The following MAMLD1 variants were observed in gnomAD, a reference collection of about 807,000 sequenced individuals.
MAMLD1 encodes the protein mastermind like domain containing 1.
A neutral mutation model predicts 45.0 loss-of-function variants in MAMLD1; 14 were observed. The observed-to-expected ratio is 0.31, with a 90% CI of 0.21 to 0.49. The LOEUF (loss-of-function observed/expected upper bound fraction) is 0.49. Among genes scored for constraint, MAMLD1 ranks in the 20% least tolerant of loss-of-function variants. MAMLD1 has a pLI of 0.99. For synonymous variants in MAMLD1, 254 were observed against 247.8 expected, an observed-to-expected ratio of 1.02 and a Z score of -0.24; for missense variants, 543 against 603.6, an observed-to-expected ratio of 0.90 and a Z score of 1.05.
intron 1 of MAMLD1, among the ~76,000 whole-genome samples, chrX:150,408,493 C>G (rs2034049709): frequency 1.8e-5 from 2 of 111,940 alleles, no homozygotes; most frequent in African/African-American, 6.5e-5. Flanking sequence ...CCTTTATCTG[C>G]AGAGTGAAAT....
chrX:150,427,178 T>C (rs2034736690), intron 1 of MAMLD1, among the ~76,000 whole-genome samples: 1 of 112,076 alleles, frequency 8.9e-6, no homozygotes, highest in Non-Finnish European at 1.9e-5. Flanking sequence ...TAAGACTTCA[T>C]CTTACCTCAT....
intron 5 of MAMLD1, among the ~76,000 whole-genome samples, chrX:150,489,482 A>G (rs2037104571): frequency 9.1e-6 from 1 of 109,586 alleles, no homozygotes; most frequent in East Asian, 2.9e-4. Flanking sequence ...TTGCCTCCTA[A>G]TGACATCATA....
chrX:150,395,392 C>G (rs782296044), intron 1 of MAMLD1, among the ~76,000 whole-genome samples: 38 of 111,495 alleles, frequency 3.4e-4, no homozygotes, highest in African/African-American at 1.2e-3. Flanking sequence ...CTGTAGTTTT[C>G]TTTCCTTGTA....
chrX:150,364,570 G>C (rs1342846574), intron 1 of MAMLD1, among the ~76,000 whole-genome samples: 2 of 112,199 alleles, frequency 1.8e-5, no homozygotes, highest in African/African-American at 6.5e-5. Flanking sequence ...GCTGGGGGAC[G>C]TGGGGAGAAG....
At chrX:150,475,376 T>C in intron 5 of MAMLD1, among the ~76,000 whole-genome samples, 1 of 111,793 alleles carries the variant, frequency 8.9e-6, no homozygotes, top group Non-Finnish European at 1.9e-5. Context: ...GTCTAGATCT[T>C]AGTTTTCTAA....
intron 7 of MAMLD1, among the ~76,000 whole-genome samples, chrX:150,511,610 C>T (rs782600863): frequency 1.8e-5 from 2 of 112,297 alleles, no homozygotes; most frequent in Non-Finnish European, 3.8e-5. Flanking sequence ...CCCCTTCCTT[C>T]CTTCTACAAA....
In MAMLD1 at chrX:150,375,334, A is replaced by G. The variant is rs782754355; in HGVS notation, c.-64+11804A>G. Among the ~76,000 whole-genome samples the G allele has an allele frequency of 1.3e-4, 14 of 111,989 alleles. No individual in the cohort carries two copies. The South Asian group carries it at 4.9e-3, about 39-fold the overall frequency. Reference sequence around the variant, plus strand: ...CTCCTAGAAACACAAGCCCATCATCATATTAACCTGGCCCTGATGAATGCT... The same window carrying G: ...CTCCTAGAAACACAAGCCCATCATCGTATTAACCTGGCCCTGATGAATGCT... On this transcript the variant is annotated intron_variant, in intron 1 of 7. Transcript: ENST00000370401.
chrX:150,413,917 C>T (rs1397974552), intron 1 of MAMLD1, among the ~76,000 whole-genome samples: 1 of 103,633 alleles, frequency 9.6e-6, no homozygotes, highest in African/African-American at 3.5e-5. Flanking sequence ...GCCTGGTCAT[C>T]GATGGCCAGG....
At chrX:150,445,167 T>C (rs985057357) in intron 1 of MAMLD1, among the ~76,000 whole-genome samples, 1 of 112,021 alleles carries the variant, frequency 8.9e-6, no homozygotes, top group African/African-American at 3.2e-5. Flanking sequence ...AGGCCCAGTG[T>C]TATTTTAGTC....
At chrX:150,501,675 T>G (rs1163301578) in intron 5 of MAMLD1, among the ~76,000 whole-genome samples, 1 of 112,794 alleles carries the variant, frequency 8.9e-6, no homozygotes, top group Non-Finnish European at 1.9e-5. Flanking sequence ...ACTGTTCAGG[T>G]AGTTAGGTTG....
chrX:150,415,896 A>G (rs2034237411), intron 1 of MAMLD1, among the ~76,000 whole-genome samples: 1 of 112,611 alleles, frequency 8.9e-6, no homozygotes, highest in Non-Finnish European at 1.9e-5. Context: ...TGGAGAAATC[A>G]GTTCAGAAGA....
chrX:150,401,049 G>T (rs1451783164), intron 1 of MAMLD1, among the ~76,000 whole-genome samples: 2 of 111,328 alleles, frequency 1.8e-5, no homozygotes, highest in Non-Finnish European at 3.8e-5. Context: ...GTTCCTCCTT[G>T]TACCTCTGGT....
At chrX:150,430,319 A>G (rs1261494155) in intron 1 of MAMLD1, among the ~76,000 whole-genome samples, 2 of 110,762 alleles carry the variant, frequency 1.8e-5, no homozygotes, top group Non-Finnish European at 3.8e-5. Flanking sequence ...TTGTCTTCTT[A>G]CTGTTAAGTT....
chrX:150,465,631 G>A (rs1602911429), intron 3 of MAMLD1, among the ~76,000 whole-genome samples: 2 of 112,304 alleles, frequency 1.8e-5, no homozygotes, highest in East Asian at 2.8e-4. Flanking sequence ...ACCACCAAAG[G>A]CCGGGCCTGT....
chrX:150,409,379 T>G lies in MAMLD1; in HGVS notation c.-63-36075T>G, dbSNP rs180736974. ...CCTGGCAGGCTGCCGTGGCTGGACT[T>G]GAGAAAAGTGAGGACTACAAGCCTA... On this transcript the variant is annotated intron_variant, in intron 1 of 7. Coordinates refer to ENST00000370401, the MANE Select transcript of MAMLD1 (RefSeq NM_005491.5). Among the ~76,000 whole-genome samples, 35 of 110,300 alleles carry G rather than the reference T, an allele frequency of 3.2e-4. 1 individual carries two copies. In the Admixed American group the frequency reaches 3.4e-3, roughly 11 times the overall value.
At chrX:150,387,501 A>G (rs1305940155) in intron 1 of MAMLD1, among the ~76,000 whole-genome samples, 1 of 112,215 alleles carries the variant, frequency 8.9e-6, no homozygotes, top group African/African-American at 3.2e-5. Flanking sequence ...GTGAAAATAC[A>G]GTATTTGTGG....
intron 5 of MAMLD1, among the ~76,000 whole-genome samples, chrX:150,501,923 T>C (rs1321929797): frequency 8.9e-6 from 1 of 112,450 alleles, no homozygotes; most frequent in African/African-American, 3.2e-5. Flanking sequence ...CATCCTGCTC[T>C]GCCACTAGTG....
chrX:150,479,828 G>T (rs981969439), intron 5 of MAMLD1, among the ~76,000 whole-genome samples: 1 of 111,921 alleles, frequency 8.9e-6, no homozygotes, highest in Non-Finnish European at 1.9e-5. Flanking sequence ...TGAAAAGTTC[G>T]CAAAATGTAA....
intron 2 of MAMLD1, among the ~76,000 whole-genome samples, chrX:150,455,957 TAGG>T (rs2035850676): frequency 9.0e-6 from 1 of 110,573 alleles, no homozygotes; most frequent in African/African-American, 3.3e-5. Flanking sequence ...GAAACTACAA[TAGG>T]AGATTTCTTC....
Sources: allele counts gnomAD v4.1 joint callset (sites outside exome capture counted in the v4.1 genomes callset), GRCh38; gene constraint gnomAD v4.1.1; transcripts MANE v1.5; gene names NCBI Gene and HGNC (gene_info 2026-07-23, HGNC 2026-07-21).